Variants in IFT56 observed in about 807,000 individuals in gnomAD.
IFT56 encodes intraflagellar transport 56, also known as intraflagellar transport protein 56.
At chr7:139,147,436 G>T in the IFT56 span, 6 of 743,178 alleles carry the variant, frequency 8.1e-6, no homozygotes, top group African/African-American at 1.8e-5. Flanking sequence ...TTAAGAATTA[G>T]ATATTGTCTA....
the IFT56 span, among the ~76,000 whole-genome samples, chr7:139,140,273 G>A: frequency 6.6e-6 from 1 of 152,170 alleles, no homozygotes; most frequent in Non-Finnish European, 1.5e-5. Context: ...CCTATCACGG[G>A]AGGATGGGCA....
At chr7:139,160,922 A>G in the IFT56 span, 2 of 1,592,208 alleles carry the variant, frequency 1.3e-6, no homozygotes, top group Non-Finnish European at 1.7e-6. Flanking sequence ...TGTCATTTTC[A>G]TAAGCCTTTC....
chr7:139,139,230 A>G, the IFT56 span, among the ~76,000 whole-genome samples: 1 of 152,250 alleles, frequency 6.6e-6, no homozygotes, highest in Admixed American at 6.5e-5. Context: ...GAACAAAGGA[A>G]CAAAGTTGGT....
chr7:139,140,569 C>G, the IFT56 span, among the ~76,000 whole-genome samples: 1 of 151,846 alleles, frequency 6.6e-6, no homozygotes, highest in Non-Finnish European at 1.5e-5. Context: ...CACCTGAGGT[C>G]AGGAGTTCGA....
the IFT56 span, chr7:139,189,640 T>C: frequency 1.1e-5 from 4 of 373,712 alleles, no homozygotes; most frequent in East Asian, 4.3e-5. Flanking sequence ...ATGATCCTAG[T>C]AGCAATAAGA....
chr7:139,178,551 T>C, the IFT56 span: 1 of 1,614,062 alleles, frequency 6.2e-7, no homozygotes, highest in Non-Finnish European at 8.5e-7. Flanking sequence ...TAACTTTAAT[T>C]ATGCCCAAGC....
the IFT56 span, among the ~76,000 whole-genome samples, chr7:139,185,206 A>G: frequency 3.9e-5 from 6 of 152,016 alleles, no homozygotes; most frequent in Admixed American, 3.3e-4. Flanking sequence ...GTGTCCAAAA[A>G]AAAAGAGTAA....
chr7:139,164,601 G>T, the IFT56 span, among the ~76,000 whole-genome samples: 5 of 151,978 alleles, frequency 3.3e-5, no homozygotes, highest in African/African-American at 9.7e-5. Flanking sequence ...TGAAGTCAAG[G>T]TCATATGCAT....
chr7:139,146,465 C>T, the IFT56 span, among the ~76,000 whole-genome samples: 1 of 151,978 alleles, frequency 6.6e-6, no homozygotes, highest in Non-Finnish European at 1.5e-5. Context: ...CCAAGAAGAA[C>T]GAGATATGAA....
At chr7:139,135,248 C>T in the IFT56 span, among the ~76,000 whole-genome samples, 3 of 138,612 alleles carry the variant, frequency 2.2e-5, no homozygotes, top group Non-Finnish European at 3.0e-5. Flanking sequence ...CACTGCACTC[C>T]AGCCTGGCTA....
chr7:139,188,101 CTTTCT>C, the IFT56 span, among the ~76,000 whole-genome samples: 1 of 138,076 alleles, frequency 7.2e-6, no homozygotes, highest in African/African-American at 2.7e-5. Flanking sequence ...TTTTTTCTTT[CTTTCT>C]TTTTTTTTTT....
chr7:139,183,728 C>T, the IFT56 span, among the ~76,000 whole-genome samples: 3 of 150,646 alleles, frequency 2.0e-5, no homozygotes, highest in African/African-American at 7.3e-5. Flanking sequence ...AATAAACATA[C>T]TTACCATATG....
At chr7:139,140,016 CTT>C in the IFT56 span, 1 of 1,482,460 alleles carries the variant, frequency 6.7e-7, no homozygotes, top group Non-Finnish European at 9.3e-7. Context: ...TAAAGGGGCT[CTT>C]ATATCTGATA....
the IFT56 span, chr7:139,166,902 G>C: frequency 6.4e-7 from 1 of 1,564,800 alleles, no homozygotes; most frequent in Non-Finnish European, 8.8e-7. Flanking sequence ...TCAGGTAACT[G>C]AGAATGTTTT....
chr7:139,152,974 C>A, the IFT56 span, among the ~76,000 whole-genome samples: 1 of 151,942 alleles, frequency 6.6e-6, no homozygotes, highest in Non-Finnish European at 1.5e-5. Flanking sequence ...CACAGTGAAA[C>A]CCCGACTCTA....
the IFT56 span, among the ~76,000 whole-genome samples, chr7:139,143,677 A>G: frequency 6.6e-6 from 1 of 151,934 alleles, no homozygotes; most frequent in African/African-American, 2.4e-5. Context: ...TACTTAATGT[A>G]TTTACAAATA....
the IFT56 span, among the ~76,000 whole-genome samples, chr7:139,149,989 G>T: frequency 6.6e-6 from 1 of 151,968 alleles, no homozygotes; most frequent in Non-Finnish European, 1.5e-5. Flanking sequence ...AAATATGTGG[G>T]TATAAATAGA....
chr7:139,180,404 T>C, the IFT56 span, among the ~76,000 whole-genome samples: 2 of 152,110 alleles, frequency 1.3e-5, no homozygotes, highest in East Asian at 1.9e-4. Flanking sequence ...TTGTTCCTTT[T>C]TAAAACTCAA....
the IFT56 span, among the ~76,000 whole-genome samples, chr7:139,145,631 G>A: frequency 6.6e-6 from 1 of 152,096 alleles, no homozygotes; most frequent in Admixed American, 6.5e-5. Flanking sequence ...GCCCAGGCTG[G>A]TCTCAAACTC....
Sources: allele counts gnomAD v4.1 joint callset (sites outside exome capture counted in the v4.1 genomes callset), GRCh38; gene constraint gnomAD v4.1.1; transcripts MANE v1.5; gene names NCBI Gene and HGNC (gene_info 2026-07-23, HGNC 2026-07-21).